The following SCN8A variants were observed in gnomAD, a reference collection of about 807,000 sequenced individuals.
SCN8A encodes sodium voltage-gated channel alpha subunit 8, also known as sodium channel protein type 8 subunit alpha.
A neutral mutation model predicts 184.1 loss-of-function variants in SCN8A; 30 were observed. The observed-to-expected ratio is 0.16, with a 90% CI of 0.12 to 0.22. The LOEUF (loss-of-function observed/expected upper bound fraction) is 0.22. Among genes scored for constraint, SCN8A ranks in the 10% least tolerant of loss-of-function variants. The pLI is 1.00. For missense variants in SCN8A, 1,057 were observed against 2,498.9 expected, an observed-to-expected ratio of 0.42 and a Z score of 12.30; for synonymous variants, 852 against 907.0, an observed-to-expected ratio of 0.94 and a Z score of 1.09.
intron 2 of SCN8A, 104 bp from the exon 3 acceptor site, chr12:51,684,070 A>T (rs1941379256): frequency 1.4e-6 from 1 of 725,758 alleles, no homozygotes; most frequent in African/African-American, 1.7e-5. Flanking sequence ...AGTAAAAAGT[A>T]TTAAAGACTT....
chr12:51,634,649 T>G (rs564840361), intron 1 of SCN8A, among the ~76,000 whole-genome samples: 3 of 54,830 alleles, frequency 5.5e-5, no homozygotes, highest in African/African-American at 1.9e-4. Context: ...TTATTATTAT[T>G]ATTATTATTT....
At chr12:51,714,749 T>G (rs1414233440) in intron 11 of SCN8A, among the ~76,000 whole-genome samples, 6 of 152,196 alleles carry the variant, frequency 3.9e-5, no homozygotes, top group African/African-American at 1.2e-4. Context: ...GTGTATCCCC[T>G]GAGATCCCTA....
chr12:51,612,213 G>A (rs1325941623), intron 1 of SCN8A, among the ~76,000 whole-genome samples: 2 of 152,190 alleles, frequency 1.3e-5, no homozygotes, highest in Non-Finnish European at 1.5e-5. Context: ...CCAAGCTGGA[G>A]TGTAGTGGCG....
intron 1 of SCN8A, among the ~76,000 whole-genome samples, chr12:51,640,197 A>G (rs1426674182): frequency 8.6e-6 from 1 of 116,252 alleles, no homozygotes. Flanking sequence ...GGATATGAGC[A>G]CATGTGCCTG....
intron 2 of SCN8A, among the ~76,000 whole-genome samples, chr12:51,674,925 G>C (rs920859083): frequency 3.6e-4 from 55 of 152,158 alleles, no homozygotes; most frequent in African/African-American, 1.1e-3. Context: ...ACAGAGCTGG[G>C]TATTGAATCC....
intron 1 of SCN8A, among the ~76,000 whole-genome samples, chr12:51,649,716 C>T (rs1465167671): frequency 1.3e-5 from 2 of 152,134 alleles, no homozygotes; most frequent in Non-Finnish European, 2.9e-5. Flanking sequence ...GCCCAGCTCA[C>T]AAAATTATTT....
At chr12:51,686,958 C>A in intron 4 of SCN8A, 133 bp from the exon 5 acceptor site, 1 of 813,616 alleles carries the variant, frequency 1.2e-6, no homozygotes, top group Non-Finnish European at 2.0e-6. Context: ...TCACTTCCTT[C>A]CTGCTGCATT....
intron 1 of SCN8A, among the ~76,000 whole-genome samples, chr12:51,612,218 G>A: frequency 6.6e-6 from 1 of 152,182 alleles, no homozygotes; most frequent in East Asian, 1.9e-4. Context: ...CTGGAGTGTA[G>A]TGGCGCGAAC....
Position 51,706,617 on chromosome 12 carries a change from G to C in SCN8A, c.1537G>C (p.Glu513Gln). ...TGAAGGAGAGGAGAAAGGGGATCCC[G>C]AGAAGGTGTTTAAGTCAGAGTCAGA... ...LSEGEEKGDP[E>Q]KVFKSESEDG... The change falls in exon 11 of 27, where the codon GAG becomes CAG. Residue 513 changes from glutamate (E) to glutamine (Q), a missense_variant. By Grantham distance (29) the Glu-to-Gln change is conservative. Around this residue, in one of 19 missense-constraint regions of SCN8A, gnomAD observed 322 missense variants for 390.1 expected, o/e 0.83. Coordinates refer to ENST00000627620, the MANE Select transcript of SCN8A (RefSeq NM_001330260.2). The C allele has an allele frequency of 6.2e-7, 1 of 1,608,856 alleles. No individual in the cohort carries two copies. Among genetic ancestry groups the C allele is most frequent in the South Asian group, 1.1e-5 (1 of 89,824 alleles).
chr12:51,644,753 C>T (rs1374323229), intron 1 of SCN8A, among the ~76,000 whole-genome samples: 2 of 150,460 alleles, frequency 1.3e-5, no homozygotes, highest in Non-Finnish European at 3.0e-5. Flanking sequence ...AAGTGAGGAG[C>T]GTCTCTGCCC....
intron 11 of SCN8A, among the ~76,000 whole-genome samples, chr12:51,710,397 G>A (rs1941854794): frequency 6.6e-6 from 1 of 152,130 alleles, no homozygotes; most frequent in Non-Finnish European, 1.5e-5. Context: ...CAGCACAGTG[G>A]CTCACACCTG....
At chr12:51,635,479 GAA>G (rs1237464197) in intron 1 of SCN8A, among the ~76,000 whole-genome samples, 2 of 152,172 alleles carry the variant, frequency 1.3e-5, no homozygotes, top group African/African-American at 4.8e-5. Context: ...TTGAATGAAT[GAA>G]TGAATGAATG....
chr12:51,794,804 A>G (rs1592167407), intron 26 of SCN8A, among the ~76,000 whole-genome samples, 163 bp downstream of exon 26: 1 of 151,806 alleles, frequency 6.6e-6, no homozygotes, highest in East Asian at 1.9e-4. Flanking sequence ...GGGCCTGCCT[A>G]GCAGGTTCCA....
intron 21 of SCN8A, among the ~76,000 whole-genome samples, chr12:51,785,714 T>C (rs949818466): frequency 2.0e-5 from 3 of 152,170 alleles, no homozygotes; most frequent in Non-Finnish European, 2.9e-5. Flanking sequence ...TTTAACAATA[T>C]GCCAATTTTT....
At chr12:51,766,379 A>C in intron 16 of SCN8A, 1 of 325,788 alleles carries the variant, frequency 3.1e-6, no homozygotes, top group Non-Finnish European at 5.8e-6. Context: ...TCTTAACGAC[A>C]ATTTCTCATC....
At chr12:51,665,273 G>A in intron 2 of SCN8A, among the ~76,000 whole-genome samples, 1 of 152,182 alleles carries the variant, frequency 6.6e-6, no homozygotes, top group East Asian at 1.9e-4. Flanking sequence ...TGGACCTGAT[G>A]GGTGTCATTC....
At chr12:51,621,980 G>T (rs968701903) in intron 1 of SCN8A, among the ~76,000 whole-genome samples, 4 of 152,146 alleles carry the variant, frequency 2.6e-5, no homozygotes, top group Non-Finnish European at 5.9e-5. Context: ...CATTACAGGA[G>T]ACTCAGTTCA....
chr12:51,653,011 C>T (rs118089474), intron 1 of SCN8A, among the ~76,000 whole-genome samples: 5 of 152,228 alleles, frequency 3.3e-5, no homozygotes, highest in African/African-American at 7.2e-5. Flanking sequence ...CATTTACCAT[C>T]ATAACCATTT....
At chr12:51,731,923 T>G (rs1351326605) in intron 12 of SCN8A, among the ~76,000 whole-genome samples, 3 of 152,218 alleles carry the variant, frequency 2.0e-5, no homozygotes, top group African/African-American at 7.2e-5. Context: ...GATTATTCTG[T>G]TTTTTCCTAT....
Sources: gnomAD v4.1 joint callset for allele counts (sites outside exome capture counted in the v4.1 genomes callset) on GRCh38, gnomAD v4.1.1 for gene constraint, gnomAD v4.1.1 regional missense constraint, MANE v1.5 for transcripts, NCBI Gene and HGNC (gene_info 2026-07-23, HGNC 2026-07-21) for gene names.